SLC25A21: variants seen among roughly 807,000 people sequenced by gnomAD.
SLC25A21 encodes the protein solute carrier family 25 member 21, also known as mitochondrial 2-oxodicarboxylate carrier.
Under a neutral mutation model 43.8 loss-of-function variants are expected in SLC25A21, and 47 were observed. That is an observed-to-expected ratio of 1.07 (90% CI 0.85 to 1.37). The LOEUF (loss-of-function observed/expected upper bound fraction) is 1.37, where lower values mean the gene tolerates loss of function less well. Among genes scored for constraint, SLC25A21 ranks in the 40% most tolerant of loss-of-function variants. The pLI is 0.00. For missense variants in SLC25A21, 352 were observed against 350.2 expected (o/e 1.00, Z -0.04); for synonymous variants, 131 against 121.3 (o/e 1.08, Z -0.52).
intron 7 of SLC25A21, among the ~76,000 whole-genome samples, chr14:36,709,100 C>G (rs1883716541): frequency 6.6e-6 from 1 of 151,088 alleles, no homozygotes; most frequent in South Asian, 2.1e-4. Flanking sequence ...CTCCACCTCC[C>G]AAGTTCAAGC....
intron 1 of SLC25A21, among the ~76,000 whole-genome samples, chr14:37,030,871 T>C (rs1023629870): frequency 5.3e-5 from 8 of 152,170 alleles, no homozygotes; most frequent in Non-Finnish European, 1.0e-4. Flanking sequence ...TAGCAGTCAA[T>C]TGGCACCAGG....
intron 2 of SLC25A21, among the ~76,000 whole-genome samples, chr14:36,863,520 A>C (rs1566686142): frequency 1.3e-5 from 2 of 152,210 alleles, no homozygotes; most frequent in African/African-American, 4.8e-5. Flanking sequence ...TTACAAAAAA[A>C]TAAGTAAATA....
chr14:36,895,045 CTGGCCTCATA>C (rs1483624127), intron 1 of SLC25A21, among the ~76,000 whole-genome samples: 2 of 152,158 alleles, frequency 1.3e-5, no homozygotes, highest in East Asian at 3.9e-4. Context: ...CAGGATGATG[CTGGCCTCATA>C]AAATGAGTTA....
intron 1 of SLC25A21, among the ~76,000 whole-genome samples, chr14:37,127,492 A>G (rs1220729063): frequency 1.3e-5 from 2 of 152,304 alleles, no homozygotes; most frequent in Middle Eastern, 3.4e-3. Flanking sequence ...CTATAGTTAG[A>G]TCCTTATCTT....
intron 2 of SLC25A21, among the ~76,000 whole-genome samples, chr14:36,862,352 A>G (rs1890091588): frequency 6.6e-6 from 1 of 152,250 alleles, no homozygotes; most frequent in Non-Finnish European, 1.5e-5. Context: ...AAGACTTGGA[A>G]CCAACCCAAA....
At chr14:37,144,963 GTTTT>G (rs1328441762) in intron 1 of SLC25A21, among the ~76,000 whole-genome samples, 1 of 150,828 alleles carries the variant, frequency 6.6e-6, no homozygotes, top group Non-Finnish European at 1.5e-5. Context: ...TTGTTTGTTT[GTTTT>G]TAATATTTGG....
chr14:36,696,136 G>A (rs148331981), intron 7 of SLC25A21, among the ~76,000 whole-genome samples: 17 of 152,190 alleles, frequency 1.1e-4, no homozygotes, highest in African/African-American at 3.1e-4. Context: ...GAATTCTGTC[G>A]AAGGCCTTTT....
chr14:37,032,319 A>T (rs1164995312), intron 1 of SLC25A21, among the ~76,000 whole-genome samples: 3 of 152,008 alleles, frequency 2.0e-5, no homozygotes. Flanking sequence ...GTGGATCACG[A>T]GGTCACGAGA....
chr14:37,051,593 A>G (rs1459407073), intron 1 of SLC25A21, among the ~76,000 whole-genome samples: 3 of 152,216 alleles, frequency 2.0e-5, no homozygotes, highest in Non-Finnish European at 1.5e-5. Context: ...CAAAGGGACT[A>G]TTTACAAATA....
chr14:36,772,934 T>C (rs985659171), intron 3 of SLC25A21, among the ~76,000 whole-genome samples: 7 of 152,158 alleles, frequency 4.6e-5, no homozygotes, highest in Non-Finnish European at 1.0e-4. Context: ...ACATACCGAT[T>C]GCCTATACAA....
intron 1 of SLC25A21, among the ~76,000 whole-genome samples, chr14:37,142,580 C>A (rs1026252000): frequency 3.3e-5 from 5 of 152,034 alleles, no homozygotes; most frequent in Admixed American, 6.6e-5. Flanking sequence ...CAGGCTGATC[C>A]GGAACTCCTG....
intron 1 of SLC25A21, among the ~76,000 whole-genome samples, chr14:36,919,824 C>T (rs151059848): frequency 1.3e-5 from 2 of 152,064 alleles, no homozygotes; most frequent in African/African-American, 4.8e-5. Context: ...AGACCACAGA[C>T]CACATTATTA....
At chr14:36,847,090 G>A (rs911014658) in intron 2 of SLC25A21, among the ~76,000 whole-genome samples, 1 of 152,038 alleles carries the variant, frequency 6.6e-6, no homozygotes, top group Non-Finnish European at 1.5e-5. Flanking sequence ...AGATGCTGTT[G>A]GGGTCTTTTG....
At chr14:36,915,786 C>A (rs185063477) in intron 1 of SLC25A21, among the ~76,000 whole-genome samples, 2 of 152,144 alleles carry the variant, frequency 1.3e-5, no homozygotes, top group African/African-American at 4.8e-5. Context: ...CCAAATTACA[C>A]GCTATATGAT....
At position 37,032,271 on chromosome 14, in the gene SLC25A21, C is replaced by T. The variant is rs183864402; in HGVS notation, c.70+140010G>A. ...TGAATCCAAGCTGGGCGCGGTGGCT[C>T]ACGCTTGTAATCCTAGCACTTTGGG... On this transcript the variant is annotated intron_variant, in intron 1 of 9. Coordinates refer to ENST00000331299, the MANE Select transcript of SLC25A21 (RefSeq NM_030631.4). 4.4e-3 allele frequency among the ~76,000 whole-genome samples: 664 copies of T among 152,212 alleles called. 6 individuals are homozygous for T. Among genetic ancestry groups the T allele is most frequent in the African/African-American group, 0.015 (610 of 41,522 alleles).
At chr14:36,783,695 G>A (rs923346921) in intron 3 of SLC25A21, among the ~76,000 whole-genome samples, 5 of 152,138 alleles carry the variant, frequency 3.3e-5, no homozygotes, top group Non-Finnish European at 5.9e-5. Flanking sequence ...TCTTCAATGT[G>A]TCTATTCTCT....
intron 1 of SLC25A21, among the ~76,000 whole-genome samples, chr14:36,917,767 A>T (rs1046799773): frequency 4.6e-5 from 7 of 152,158 alleles, no homozygotes; most frequent in Non-Finnish European, 8.8e-5. Flanking sequence ...GATAATGCAA[A>T]TCATACAAAA....
chr14:36,982,666 T>A (rs1473097232), intron 1 of SLC25A21, among the ~76,000 whole-genome samples: 1 of 151,998 alleles, frequency 6.6e-6, no homozygotes, highest in Non-Finnish European at 1.5e-5. Context: ...AATACAAAAA[T>A]TAGCTGGGCA....
intron 2 of SLC25A21, among the ~76,000 whole-genome samples, chr14:36,840,209 G>T (rs1396932551): frequency 6.8e-6 from 1 of 147,510 alleles, no homozygotes; most frequent in East Asian, 2.0e-4. Context: ...TAAAAGCGAG[G>T]TTTTTTTTTT....
Sources: allele counts gnomAD v4.1 joint callset (sites outside exome capture counted in the v4.1 genomes callset), GRCh38; gene constraint gnomAD v4.1.1; transcripts MANE v1.5; gene names NCBI Gene and HGNC (gene_info 2026-07-23, HGNC 2026-07-21).